The following VWF variants were observed in gnomAD, a reference collection of about 807,000 sequenced individuals.
VWF encodes the protein Factor VIII related antigen.
VWF carries 176 observed loss-of-function variants against 308.6 expected under a neutral mutation model. That is an observed-to-expected ratio of 0.57 (90% CI 0.50 to 0.65). VWF has a LOEUF of 0.65. VWF is among the 30% of genes least tolerant of loss of function. VWF has a pLI of 0.00. For missense variants in VWF, 3,146 were observed against 3,648.2 expected, an observed-to-expected ratio of 0.86 and a Z score of 3.55; for synonymous variants, 1,385 against 1,443.4, an observed-to-expected ratio of 0.96 and a Z score of 0.92.
At chr12:5,977,449 T>C (rs1482343088) in intron 42 of VWF, among the ~76,000 whole-genome samples, 1 of 152,208 alleles carries the variant, frequency 6.6e-6, no homozygotes, top group Non-Finnish European at 1.5e-5. Context: ...ATAATCTCCA[T>C]CAAATATTGT....
At chr12:6,097,162 G>T (rs1405839258) in intron 5 of VWF, among the ~76,000 whole-genome samples, 4 of 152,156 alleles carry the variant, frequency 2.6e-5, no homozygotes, top group Non-Finnish European at 5.9e-5. Flanking sequence ...TAGAGGCCGG[G>T]CACGGTGGCT....
intron 6 of VWF, among the ~76,000 whole-genome samples, chr12:6,084,931 G>A (rs1465134147): frequency 6.6e-6 from 1 of 152,158 alleles, no homozygotes; most frequent in Non-Finnish European, 1.5e-5. Context: ...ATTCCCACCC[G>A]CATTCCAAGA....
chr12:6,009,030 G>A (rs1013323319), intron 34 of VWF, among the ~76,000 whole-genome samples: 6 of 152,062 alleles, frequency 3.9e-5, no homozygotes, highest in African/African-American at 9.7e-5. Flanking sequence ...TCTTGGCGAC[G>A]ATTTCTTGGA....
chr12:6,052,605 GGGGCACT>G lies in VWF; in HGVS notation c.2117_2123del (p.Gln706ProfsTer33). 6.2e-7 allele frequency: 1 copy of G among 1,614,276 alleles called. No homozygotes were observed. The highest frequency in any genetic ancestry group is 8.5e-7 in the Non-Finnish European group (1 of 1,180,050). ...GGAAGATCTCACCGTCATAGTAACA[GGGGCACT>G]GGGCCTTGGGCACGCAGTCCCCCCT... On this transcript the variant is annotated frameshift_variant, in exon 16 of 52. Coordinates refer to ENST00000261405, the MANE Select transcript of VWF (RefSeq NM_000552.5). LOFTEE classifies it high-confidence loss of function.
chr12:5,983,041 T>C (rs1362182821), intron 41 of VWF, 109 bp downstream of exon 41: 3 of 1,142,368 alleles, frequency 2.6e-6, no homozygotes, highest in Non-Finnish European at 3.8e-6. Flanking sequence ...TTCAGCTAGG[T>C]AGAAAACAGG....
chr12:6,008,459 A>G (rs1487666725), intron 34 of VWF, among the ~76,000 whole-genome samples: 1 of 152,232 alleles, frequency 6.6e-6, no homozygotes, highest in African/African-American at 2.4e-5. Flanking sequence ...AGCATTTGTC[A>G]TAATTCAAAC....
At chr12:5,997,990 A>G (rs528577592) in intron 34 of VWF, among the ~76,000 whole-genome samples, 30 of 152,260 alleles carry the variant, frequency 2.0e-4, no homozygotes, top group Middle Eastern at 3.4e-3. Context: ...TCCTGAAATC[A>G]TTTTATCTCA....
At chr12:5,988,207 G>A (rs374991800) in intron 38 of VWF, among the ~76,000 whole-genome samples, 4 of 152,312 alleles carry the variant, frequency 2.6e-5, no homozygotes, top group African/African-American at 9.6e-5. Context: ...CATCACAGGT[G>A]AGGCAGGTGG....
Position 6,022,090 on chromosome 12 carries a change from G to A in VWF, c.3539-55C>T, listed in dbSNP as rs932332100. 3.7e-6 allele frequency: 6 copies of A among 1,612,264 alleles called. No homozygotes were observed. The East Asian group carries it at 6.7e-5, about 18-fold the overall frequency. ...AAACGCTCCCCTTTCCCACGAGGAA[G>A]CCTCATTTTTAACTAAAAGGGAGGA... On this transcript the variant is annotated intron_variant, in intron 26 of 51. Transcript: ENST00000261405.
At chr12:5,969,513 G>A in intron 44 of VWF, 122 bp from the exon 45 acceptor site, 1 of 1,192,508 alleles carries the variant, frequency 8.4e-7, no homozygotes, top group South Asian at 1.4e-5. Flanking sequence ...TAACATGTAA[G>A]TCCCACCACA....
rs549843084 is a variant in VWF, at chr12:6,075,606, T to C, written c.658-55A>G. On this transcript the variant is annotated intron_variant, in intron 6 of 51. Coordinates refer to ENST00000261405, the MANE Select transcript of VWF (RefSeq NM_000552.5). This position sits in a 1 kb window ranked among gnomAD's most constrained non-coding sequence, Gnocchi z 4.7. Reference sequence around the variant, plus strand: ...TGCTCCGTTAGTGTCTCCCTGAGTGTGGCACTGAGACTTAGCCCTGCTAGG... The same window carrying C: ...TGCTCCGTTAGTGTCTCCCTGAGTGCGGCACTGAGACTTAGCCCTGCTAGG... 1 of 1,564,866 alleles carries C rather than the reference T, an allele frequency of 6.4e-7. No individual in the cohort carries two copies. The highest frequency in any genetic ancestry group is 8.7e-7 in the Non-Finnish European group (1 of 1,150,710).
chr12:6,016,812 A>G lies in VWF; in HGVS notation c.5112T>C (p.Ala1704=). Residue 1704 remains alanine, a synonymous_variant, in exon 29 of 52, where the codon GCT becomes GCC. Transcript: ENST00000261405. ...AACTCTTCATTTCATCAAAATAAGA[A>G]GCTGGGAAACTGGAGGAGCCATCCA... ...LLLDGSSSFP[A]SYFDEMKSFA... The G allele has an allele frequency of 6.2e-7, 1 of 1,614,130 alleles. No individual in the cohort carries two copies. The highest frequency in any genetic ancestry group is 8.5e-7 in the Non-Finnish European group (1 of 1,180,048).
chr12:6,070,642 G>A (rs1273378357), intron 10 of VWF, among the ~76,000 whole-genome samples: 1 of 152,246 alleles, frequency 6.6e-6, no homozygotes, highest in Non-Finnish European at 1.5e-5. Flanking sequence ...CCACGTGAGT[G>A]AGCACAGAGG....
chr12:6,092,582 A>G (rs1183863810), intron 6 of VWF, among the ~76,000 whole-genome samples: 2 of 135,524 alleles, frequency 1.5e-5, no homozygotes, highest in African/African-American at 3.0e-5. Flanking sequence ...GCGTGCGTGC[A>G]TGCCACCATG....
intron 26 of VWF, among the ~76,000 whole-genome samples, 166 bp from the exon 27 acceptor site, chr12:6,022,201 G>C (rs1173399637): frequency 6.6e-6 from 1 of 151,956 alleles, no homozygotes; most frequent in Non-Finnish European, 1.5e-5. Context: ...CATCTCTCCT[G>C]CTTGTGCCTT....
At position 5,964,151 on chromosome 12, in the gene VWF, G is replaced by A. The variant is rs572984146; in HGVS notation, c.7887+3335C>T. On this transcript the variant is annotated intron_variant, in intron 47 of 51. Transcript: ENST00000261405. ...AGAATGGCGTGAACCTGGGAGGCGG[G>A]GCTTGCAGTGAGCCGAGATCTCACC... Among the ~76,000 whole-genome samples, 236 of 149,484 alleles carry A rather than the reference G, an allele frequency of 1.6e-3. 1 individual carries two copies. Among genetic ancestry groups the A allele is most frequent in the Admixed American group, 1.1e-3 (16 of 15,000 alleles).
At chr12:5,978,479 G>A (rs923610368) in intron 42 of VWF, among the ~76,000 whole-genome samples, 1 of 152,136 alleles carries the variant, frequency 6.6e-6, no homozygotes, top group African/African-American at 2.4e-5. Context: ...TGGCCAGCTG[G>A]TCTTGAACTC....
At chr12:5,967,985 G>A (rs888029167) in intron 46 of VWF, 142 bp downstream of exon 46, 22 of 1,185,166 alleles carry the variant, frequency 1.9e-5, no homozygotes, top group African/African-American at 1.4e-4. Context: ...TGCCAGGCAC[G>A]TCCCACAGGC....
intron 42 of VWF, among the ~76,000 whole-genome samples, chr12:5,977,413 G>A (rs1943544145): frequency 6.6e-6 from 1 of 151,754 alleles, no homozygotes. Context: ...GAAAGAATAA[G>A]GCAGATCTCT....
Sources: gnomAD v4.1 joint callset for allele counts (sites outside exome capture counted in the v4.1 genomes callset) on GRCh38, gnomAD v4.1.1 for gene constraint, Gnocchi (gnomAD v3.1) non-coding constraint, MANE v1.5 for transcripts, NCBI Gene and HGNC (gene_info 2026-07-23, HGNC 2026-07-21) for gene names.